Variants in CNTNAP3 observed in about 807,000 individuals in gnomAD.
CNTNAP3 encodes the protein contactin associated protein family member 3.
In CNTNAP3, 36 loss-of-function variants were observed where a neutral mutation model predicts 92.1. That is an observed-to-expected ratio of 0.39 (90% CI 0.30 to 0.52). The LOEUF is 0.52. Among genes scored for constraint, CNTNAP3 ranks in the 20% least tolerant of loss-of-function variants. The probability of loss-of-function intolerance (pLI) is 0.76; values close to 1 mark genes in which losing one functional copy is unlikely to be tolerated. For synonymous variants in CNTNAP3, 232 were observed against 422.3 expected, an observed-to-expected ratio of 0.55 and a Z score of 5.53; for missense variants, 534 against 1,069.6, an observed-to-expected ratio of 0.50 and a Z score of 6.98.
intron 15 of CNTNAP3, among the ~76,000 whole-genome samples, chr9:39,107,955 A>G (rs1265149393): frequency 6.6e-6 from 1 of 152,196 alleles, no homozygotes; most frequent in Admixed American, 6.5e-5. Flanking sequence ...AGGATAACAT[A>G]TCTGTCAAGA....
At chr9:39,134,241 C>A (rs1436799245) in intron 12 of CNTNAP3, among the ~76,000 whole-genome samples, 1 of 152,016 alleles carries the variant, frequency 6.6e-6, no homozygotes, top group Non-Finnish European at 1.5e-5. Flanking sequence ...GGTGTGATAT[C>A]CACAAATGAG....
At chr9:39,106,513 T>G (rs1480626773) in intron 15 of CNTNAP3, 1 of 152,190 alleles carries the variant, frequency 6.6e-6, no homozygotes, top group Non-Finnish European at 1.5e-5. Flanking sequence ...GTTGAACTCC[T>G]AGGCTCAAGC....
intron 12 of CNTNAP3, among the ~76,000 whole-genome samples, chr9:39,134,815 T>C (rs1013670994): frequency 4.6e-5 from 7 of 152,188 alleles, no homozygotes; most frequent in Admixed American, 4.6e-4. Flanking sequence ...GAATCAAATA[T>C]AGAAAAACCT....
At chr9:39,090,164 C>T (rs1369447299) in intron 18 of CNTNAP3, among the ~76,000 whole-genome samples, 4 of 152,310 alleles carry the variant, frequency 2.6e-5, no homozygotes, top group South Asian at 2.1e-4. Flanking sequence ...TGGTCTCGAA[C>T]TCCTGACCTC....
At chr9:39,114,099 T>G (rs1820790282) in intron 14 of CNTNAP3, among the ~76,000 whole-genome samples, 1 of 149,802 alleles carries the variant, frequency 6.7e-6, no homozygotes, top group Non-Finnish European at 1.5e-5. Context: ...TTTTTTTTTT[T>G]TGAGACAGAG....
intron 14 of CNTNAP3, among the ~76,000 whole-genome samples, chr9:39,111,844 AT>A (rs1826755181): frequency 6.6e-6 from 1 of 152,112 alleles, no homozygotes; most frequent in Non-Finnish European, 1.5e-5. Context: ...AGATACTATA[AT>A]AAAGTCTTGT....
intron 21 of CNTNAP3, among the ~76,000 whole-genome samples, chr9:39,083,432 G>C (rs369599018): frequency 1.3e-5 from 2 of 151,984 alleles, no homozygotes; most frequent in Non-Finnish European, 2.9e-5. Flanking sequence ...AGACTGAGGC[G>C]GGTGGATCAC....
At position 39,065,182 on chromosome 9, in the gene CNTNAP3, C is replaced by T. The variant is rs4062717; in HGVS notation, c.*8708G>A. Among the ~76,000 whole-genome samples, 7,182 of 111,930 alleles carry T rather than the reference C, an allele frequency of 0.064. 2 individuals are homozygous for T. Among genetic ancestry groups the T allele is most frequent in the East Asian group, 0.32 (1,157 of 3,564 alleles). The allele number at this position is 111,930 out of a possible 152,430, so 73.4% of individuals were successfully genotyped here. On this transcript the variant is annotated 3_prime_UTR_variant, in exon 24 of 24. Transcript: ENST00000297668. ...ACCTCAACCCAGGTAACTACTGATA[C>T]AATTTCTACTGCTATATCTTAGTTT...
At chr9:39,101,922 A>G (rs1219073511) in intron 17 of CNTNAP3, among the ~76,000 whole-genome samples, 1 of 152,310 alleles carries the variant, frequency 6.6e-6, no homozygotes, top group African/African-American at 2.4e-5. Flanking sequence ...TGGTTACTCC[A>G]CTTCTCTGAG....
At chr9:39,147,037 A>G (rs893607591) in intron 10 of CNTNAP3, among the ~76,000 whole-genome samples, 1 of 152,130 alleles carries the variant, frequency 6.6e-6, no homozygotes, top group African/African-American at 2.4e-5. Flanking sequence ...ATGATAGTGA[A>G]TAAGTCTCAC....
chr9:39,109,356 CTT>C (rs1297617267), intron 14 of CNTNAP3, 69 bp from the exon 15 acceptor site: 1 of 1,587,616 alleles, frequency 6.3e-7, no homozygotes, highest in Non-Finnish European at 8.6e-7. Flanking sequence ...ACTCTGATCT[CTT>C]ATCTCAATTT....
At chr9:39,093,472 C>T (rs903528514) in intron 18 of CNTNAP3, among the ~76,000 whole-genome samples, 2 of 150,700 alleles carry the variant, frequency 1.3e-5, no homozygotes, top group Non-Finnish European at 3.0e-5. Flanking sequence ...CTTTTGATAC[C>T]CAAAATTTGT....
intron 12 of CNTNAP3, among the ~76,000 whole-genome samples, chr9:39,134,119 G>A (rs945170665): frequency 6.6e-6 from 1 of 152,090 alleles, no homozygotes; most frequent in African/African-American, 2.4e-5. Context: ...AAATTTCACA[G>A]CCTTACTGTT....
intron 18 of CNTNAP3, among the ~76,000 whole-genome samples, chr9:39,096,813 C>A (rs1826336640): frequency 6.6e-6 from 1 of 151,240 alleles, no homozygotes; most frequent in Non-Finnish European, 1.5e-5. Context: ...AAATTTCCTT[C>A]TTGACTTTGG....
chr9:39,101,896 G>A (rs970716689), intron 17 of CNTNAP3, among the ~76,000 whole-genome samples: 81 of 152,168 alleles, frequency 5.3e-4, no homozygotes, highest in Admixed American at 1.2e-3. Context: ...GCTATCCTGG[G>A]ATCCCTCTCA....
chr9:39,118,028 C>A, intron 14 of CNTNAP3, 75 bp downstream of exon 14: 1 of 1,587,106 alleles, frequency 6.3e-7, no homozygotes, highest in Non-Finnish European at 8.6e-7. Flanking sequence ...ACCAGCTTGT[C>A]TGACATTTAA....
chr9:39,109,366 T>C (rs1826687743), intron 14 of CNTNAP3, 79 bp from the exon 15 acceptor site: 12 of 1,577,330 alleles, frequency 7.6e-6, no homozygotes, highest in Non-Finnish European at 1.0e-5. Flanking sequence ...CTTATCTCAA[T>C]TTGAAACCAA....
chr9:39,114,174 C>CCAGCTTCACGCCATTCTCCTGCCT (rs1820792736), intron 14 of CNTNAP3, among the ~76,000 whole-genome samples: 2 of 150,236 alleles, frequency 1.3e-5, no homozygotes, highest in African/African-American at 4.9e-5. Context: ...GCTCTGCCTT[C>CCAGCTTCACGCCATTCTCCTGCCT]CAGCTTCACG....
chr9:39,090,123 T>C (rs1251333249), intron 18 of CNTNAP3, among the ~76,000 whole-genome samples: 1 of 152,112 alleles, frequency 6.6e-6, no homozygotes, highest in East Asian at 1.9e-4. Context: ...GTATTTTTAG[T>C]AGAGATGGGG....
Sources: gnomAD v4.1 joint callset for allele counts (sites outside exome capture counted in the v4.1 genomes callset) on GRCh38, gnomAD v4.1.1 for gene constraint, MANE v1.5 for transcripts, NCBI Gene and HGNC (gene_info 2026-07-23, HGNC 2026-07-21) for gene names.